Variants in DAB1 observed in about 807,000 individuals in gnomAD.
DAB1 encodes the protein DAB adaptor protein 1.
DAB1 carries 15 observed loss-of-function variants against 64.6 expected under a neutral mutation model. The ratio of observed to expected loss-of-function variants is 0.23; its 90% CI spans 0.16 to 0.36. The LOEUF is 0.36. Ranked by LOEUF, DAB1 falls within the 10% of genes least tolerant of loss-of-function variation. DAB1 has a pLI of 1.00. For synonymous variants in DAB1, 235 were observed against 251.9 expected, an observed-to-expected ratio of 0.93 and a Z score of 0.64; for missense variants, 596 against 706.7, an observed-to-expected ratio of 0.84 and a Z score of 1.78.
chr1:57,129,825 G>C (rs563041130), intron 4 of DAB1, among the ~76,000 whole-genome samples: 34 of 152,130 alleles, frequency 2.2e-4, no homozygotes, highest in African/African-American at 7.9e-4. Context: ...TTGGTATATA[G>C]CATCTTGGGC....
chr1:57,803,078 T>C (rs1252713408), intron 6 of DAB1, among the ~76,000 whole-genome samples: 1 of 152,194 alleles, frequency 6.6e-6, no homozygotes, highest in Non-Finnish European at 1.5e-5. Flanking sequence ...CCTCACTCCA[T>C]GCAGCTTGGT....
intron 3 of DAB1, among the ~76,000 whole-genome samples, chr1:58,363,494 G>C (rs773675560): frequency 3.9e-5 from 6 of 152,192 alleles, no homozygotes; most frequent in Non-Finnish European, 8.8e-5. Flanking sequence ...AACTGCATCT[G>C]GCCAATTCTG....
At chr1:57,009,719 G>A (rs17114796) in intron 14 of DAB1, among the ~76,000 whole-genome samples, 14,934 of 152,218 alleles carry the variant, frequency 0.098, 1,399 homozygotes, top group African/African-American at 0.25. Flanking sequence ...AATTGAACAC[G>A]TTTGTCAAGA....
chr1:58,357,345 A>G (rs910784481), intron 3 of DAB1, among the ~76,000 whole-genome samples: 3 of 152,168 alleles, frequency 2.0e-5, no homozygotes, highest in African/African-American at 7.2e-5. Context: ...GAGAAAATTC[A>G]AAAATAGCAT....
At chr1:57,900,923 C>G (rs182888537) in intron 5 of DAB1, among the ~76,000 whole-genome samples, 6 of 152,208 alleles carry the variant, frequency 3.9e-5, no homozygotes, top group East Asian at 3.9e-4. Context: ...TAGCACAGAG[C>G]CTGGAACACA....
At chr1:57,692,994 C>T (rs1646781639) in intron 6 of DAB1, among the ~76,000 whole-genome samples, 1 of 151,684 alleles carries the variant, frequency 6.6e-6, no homozygotes, top group African/African-American at 2.4e-5. Flanking sequence ...TGCTATTACT[C>T]ACCTTTGGGC....
intron 9 of DAB1, among the ~76,000 whole-genome samples, chr1:57,055,193 G>T (rs137884381): frequency 1.6e-3 from 241 of 152,316 alleles, no homozygotes; most frequent in African/African-American, 5.2e-3. Flanking sequence ...CAAGCTTCCA[G>T]CTGCCTTGAC....
At chr1:57,322,889 C>T (rs1675835615) in intron 1 of DAB1, among the ~76,000 whole-genome samples, 2 of 152,136 alleles carry the variant, frequency 1.3e-5, no homozygotes, top group South Asian at 2.1e-4. Context: ...ATCAGAACCT[C>T]TGTGGGTGGG....
At chr1:58,093,006 A>C (rs954222211) in intron 5 of DAB1, among the ~76,000 whole-genome samples, 10 of 152,206 alleles carry the variant, frequency 6.6e-5, no homozygotes, top group African/African-American at 2.4e-4. Flanking sequence ...TCACTATTGG[A>C]ATAAAGCCTA....
intron 5 of DAB1, among the ~76,000 whole-genome samples, chr1:58,004,654 T>C (rs2100413133): frequency 6.6e-6 from 1 of 152,286 alleles, no homozygotes. Context: ...GTAGAGTTGT[T>C]GTAAGATTGA....
At chr1:57,038,721 C>T (rs553090786) in intron 9 of DAB1, among the ~76,000 whole-genome samples, 1 of 152,160 alleles carries the variant, frequency 6.6e-6, no homozygotes, top group African/African-American at 2.4e-5. Flanking sequence ...AGTGCTCACA[C>T]GTGTAATATA....
chr1:57,770,400 T>A (rs1213045324), intron 6 of DAB1, among the ~76,000 whole-genome samples: 1 of 152,124 alleles, frequency 6.6e-6, no homozygotes, highest in East Asian at 1.9e-4. Flanking sequence ...CCTGAATAGC[T>A]GGGACCACAG....
chr1:57,908,076 T>C (rs1644582163), intron 5 of DAB1, among the ~76,000 whole-genome samples: 1 of 152,092 alleles, frequency 6.6e-6, no homozygotes, highest in Non-Finnish European at 1.5e-5. Flanking sequence ...ACAACTGTCT[T>C]ATATGCAATC....
intron 1 of DAB1, among the ~76,000 whole-genome samples, chr1:57,376,184 C>T (rs1680881859): frequency 6.6e-6 from 1 of 152,212 alleles, no homozygotes; most frequent in Non-Finnish European, 1.5e-5. Flanking sequence ...CTCTGCCAGA[C>T]TTACTCCAAA....
chr1:57,917,442 T>C (rs1644743531), intron 5 of DAB1, among the ~76,000 whole-genome samples: 1 of 152,236 alleles, frequency 6.6e-6, no homozygotes. Context: ...CATATCATTG[T>C]AATGAAGGTT....
At chr1:57,563,199 C>G (rs1001337149) in intron 7 of DAB1, among the ~76,000 whole-genome samples, 6 of 152,142 alleles carry the variant, frequency 3.9e-5, no homozygotes, top group African/African-American at 1.2e-4. Context: ...CAGGTACAAC[C>G]ACATGACCAG....
chr1:57,424,736 G>T (rs1004974111), upstream of DAB1, among the ~76,000 whole-genome samples: 1 of 152,204 alleles, frequency 6.6e-6, no homozygotes, highest in African/African-American at 2.4e-5. Flanking sequence ...GTGCAGGTTC[G>T]GCGGCTCCTG....
intron 4 of DAB1, among the ~76,000 whole-genome samples, chr1:58,176,376 T>C (rs1258304751): frequency 2.0e-5 from 3 of 152,190 alleles, no homozygotes; most frequent in Non-Finnish European, 2.9e-5. Flanking sequence ...AAATCCAATA[T>C]GTAAAACATT....
At chr1:57,952,015 C>A (rs1031911936) in intron 5 of DAB1, among the ~76,000 whole-genome samples, 5 of 152,152 alleles carry the variant, frequency 3.3e-5, no homozygotes, top group Non-Finnish European at 5.9e-5. Flanking sequence ...CTCACTGGTT[C>A]TCAATATCCA....
Sources: gnomAD v4.1 joint callset for allele counts (sites outside exome capture counted in the v4.1 genomes callset) on GRCh38, gnomAD v4.1.1 for gene constraint, MANE v1.5 for transcripts, NCBI Gene and HGNC (gene_info 2026-07-23, HGNC 2026-07-21) for gene names.